The following PRKG1 variants were observed in gnomAD, a reference collection of about 807,000 sequenced individuals.
The protein encoded by PRKG1 is protein kinase cGMP-dependent 1.
PRKG1 carries 35 observed loss-of-function variants against 88.1 expected under a neutral mutation model. That is an observed-to-expected ratio of 0.40 (90% CI 0.30 to 0.53). The LOEUF is 0.53. PRKG1 is among the 20% of genes least tolerant of loss of function. The probability of loss-of-function intolerance (pLI) is 0.59; values close to 1 mark genes in which losing one functional copy is unlikely to be tolerated. For missense variants in PRKG1, 540 were observed against 839.8 expected (o/e 0.64, Z 4.41); for synonymous variants, 303 against 292.5 (o/e 1.04, Z -0.37).
At chr10:51,958,525 A>C (rs949028395) in intron 5 of PRKG1, among the ~76,000 whole-genome samples, 3 of 147,718 alleles carry the variant, frequency 2.0e-5, no homozygotes, top group Non-Finnish European at 4.5e-5. Context: ...ATTTCAAGGA[A>C]TAGGTCGTCC....
At chr10:51,249,101 C>G (rs1008721100) in intron 2 of PRKG1, among the ~76,000 whole-genome samples, 1 of 151,312 alleles carries the variant, frequency 6.6e-6, no homozygotes, top group African/African-American at 2.4e-5. Flanking sequence ...TTTTAAGAGG[C>G]GAGGAAGACA....
Position 52,102,590 on chromosome 10 carries a change from C to CAAA in PRKG1, c.936-31244_936-31242dup, listed in dbSNP as rs34379591. 3.1e-4 allele frequency among the ~76,000 whole-genome samples: 35 copies of CAAA among 112,242 alleles called. 2 individuals carry two copies. The highest frequency in any genetic ancestry group is 7.3e-4 in the East Asian group (3 of 4,108). 73.6% of individuals were successfully genotyped at this position (112,242 alleles called of 152,430 possible). A position where few individuals can be genotyped will look rare whatever the true frequency, so the allele number is the denominator to read the frequency against. ...ATCATGAAAGAGACTGTGGATATGG[C>CAAA]AAAAAAAAGAAAAAAAAATTGGTGG... On this transcript the variant is annotated intron_variant, in intron 7 of 17. Coordinates refer to ENST00000373980, the MANE Select transcript of PRKG1 (RefSeq NM_006258.4).
chr10:52,117,988 T>C (rs368233135), intron 7 of PRKG1, among the ~76,000 whole-genome samples: 21 of 151,900 alleles, frequency 1.4e-4, no homozygotes, highest in African/African-American at 5.1e-4. Context: ...CATTGATAGG[T>C]ATTTAGGTTA....
At chr10:51,434,013 C>T (rs1024141530) in intron 2 of PRKG1, among the ~76,000 whole-genome samples, 7 of 152,106 alleles carry the variant, frequency 4.6e-5, no homozygotes, top group African/African-American at 4.8e-5. Flanking sequence ...CCTGCCATTA[C>T]CTGGCTGAGC....
intron 2 of PRKG1, among the ~76,000 whole-genome samples, chr10:51,460,567 T>C (rs545387955): frequency 6.1e-4 from 93 of 152,320 alleles, no homozygotes; most frequent in South Asian, 8.3e-4. Context: ...GGCCTGTCTT[T>C]AGCTTTCCTC....
intron 2 of PRKG1, among the ~76,000 whole-genome samples, chr10:51,166,194 C>A (rs1846533844): frequency 6.6e-6 from 1 of 151,124 alleles, no homozygotes. Flanking sequence ...ACGGTACATG[C>A]CCTCAATTTA....
At chr10:51,211,123 A>C (rs2132073100) in intron 2 of PRKG1, among the ~76,000 whole-genome samples, 1 of 152,348 alleles carries the variant, frequency 6.6e-6, no homozygotes, top group African/African-American at 2.4e-5. Flanking sequence ...CAACATGATC[A>C]AGTGGGCTTC....
At chr10:51,011,848 G>A (rs1042542093) in intron 1 of PRKG1, among the ~76,000 whole-genome samples, 3 of 152,172 alleles carry the variant, frequency 2.0e-5, no homozygotes, top group African/African-American at 4.8e-5. Flanking sequence ...AGACGTATTG[G>A]AGATTGGGTA....
At chr10:52,251,768 C>A in intron 10 of PRKG1, 102 bp downstream of exon 10, 1 of 940,816 alleles carries the variant, frequency 1.1e-6, no homozygotes, top group East Asian at 2.5e-5. Context: ...TGTCTTTCAT[C>A]ATTAATTACC....
intron 4 of PRKG1, among the ~76,000 whole-genome samples, chr10:51,885,344 A>G (rs1448240771): frequency 6.6e-6 from 1 of 152,246 alleles, no homozygotes. Flanking sequence ...ATTTAATGGC[A>G]GATTCTGTTT....
Position 51,858,408 on chromosome 10 carries a change from A to AT in PRKG1, c.699-49099_699-49098insT, listed in dbSNP as rs1491355801. On this transcript the variant is annotated intron_variant, in intron 4 of 17. Coordinates refer to ENST00000373980, the MANE Select transcript of PRKG1 (RefSeq NM_006258.4). ...TATATATAATATATATAATATATAT[A>AT]AAATATATATATAATATATATATAT... Among the ~76,000 whole-genome samples the AT allele has an allele frequency of 3.0e-4, 18 of 59,344 alleles. 1 individual carries two copies. Among genetic ancestry groups the AT allele is most frequent in the East Asian group, 5.9e-4 (2 of 3,394 alleles). 38.9% of individuals were successfully genotyped at this position (59,344 alleles called of 152,430 possible).
intron 1 of PRKG1, among the ~76,000 whole-genome samples, chr10:51,043,073 T>C (rs76046646): frequency 5.1e-4 from 77 of 152,260 alleles, no homozygotes; most frequent in African/African-American, 1.8e-3. Context: ...GCATCCCCAA[T>C]AGACTAAGAC....
intron 3 of PRKG1, among the ~76,000 whole-genome samples, chr10:51,701,476 T>G (rs1277263195): frequency 6.6e-6 from 1 of 152,202 alleles, no homozygotes; most frequent in Non-Finnish European, 1.5e-5. Context: ...CAAGGTTCAT[T>G]TACATCACCT....
chr10:52,157,321 A>G (rs960760694), intron 8 of PRKG1, among the ~76,000 whole-genome samples: 1 of 44,020 alleles, frequency 2.3e-5, no homozygotes, highest in African/African-American at 1.1e-4. Flanking sequence ...ATATATATAT[A>G]TATATATATA....
intron 5 of PRKG1, among the ~76,000 whole-genome samples, chr10:52,023,869 TTACTC>T (rs1474139039): frequency 1.3e-5 from 2 of 152,222 alleles, no homozygotes; most frequent in Non-Finnish European, 1.5e-5. Flanking sequence ...GGTTGCCTAT[TTACTC>T]TAATGATAGT....
intron 3 of PRKG1, among the ~76,000 whole-genome samples, chr10:51,654,074 G>A (rs1408574779): frequency 1.3e-4 from 20 of 150,956 alleles, no homozygotes; most frequent in South Asian, 2.1e-4. Flanking sequence ...TCTGCTTTTC[G>A]GGTCATATTA....
chr10:51,945,110 C>T (rs1208095512), intron 5 of PRKG1, among the ~76,000 whole-genome samples: 1 of 150,330 alleles, frequency 6.7e-6, no homozygotes, highest in Non-Finnish European at 1.5e-5. Context: ...GTAGGTCACT[C>T]AGGACTTGCT....
chr10:52,202,911 C>G (rs1839713985), intron 9 of PRKG1, among the ~76,000 whole-genome samples: 1 of 151,928 alleles, frequency 6.6e-6, no homozygotes, highest in South Asian at 2.1e-4. Flanking sequence ...TGGATCTTCT[C>G]TCTCTTTTCT....
At chr10:51,802,043 A>G (rs1213357742) in intron 3 of PRKG1, among the ~76,000 whole-genome samples, 1 of 152,186 alleles carries the variant, frequency 6.6e-6, no homozygotes, top group Non-Finnish European at 1.5e-5. Flanking sequence ...TTAACACATC[A>G]CTTAAGATCA....
Sources: gnomAD v4.1 joint callset for allele counts (sites outside exome capture counted in the v4.1 genomes callset) on GRCh38, gnomAD v4.1.1 for gene constraint, MANE v1.5 for transcripts, NCBI Gene and HGNC (gene_info 2026-07-23, HGNC 2026-07-21) for gene names.